The following NAAA variants were observed in gnomAD, a reference collection of about 807,000 sequenced individuals.
NAAA encodes N-acylethanolamine-hydrolyzing acid amidase.
A neutral mutation model predicts 44.8 loss-of-function variants in NAAA; 39 were observed. The observed-to-expected ratio is 0.87, with a 90% CI of 0.67 to 1.14. The LOEUF is 1.14. NAAA is among the 50% of genes most tolerant of loss of function. NAAA has a pLI of 0.00. For synonymous variants in NAAA, 178 were observed against 191.3 expected (o/e 0.93, Z 0.58); for missense variants, 460 against 467.8 (o/e 0.98, Z 0.15).
downstream of NAAA, among the ~76,000 whole-genome samples, chr4:75,911,703 T>C (rs2135232): frequency 0.27 from 41,586 of 152,022 alleles, 6,552 homozygotes; most frequent in East Asian, 0.48. Context: ...GGTGCTATAG[T>C]AGTGATGTTC....
At position 75,940,749 on chromosome 4, in the gene NAAA, G is replaced by T; in HGVS notation, c.201C>A (p.Val67=). Residue 67 remains valine, a synonymous_variant, in exon 1 of 11, where the codon GTC becomes GTA. Transcript: ENST00000286733. ...CGTCCAGGGCCCCAGCTCACCCGAT[G>T]ACTTGCGCCATCGCGGCGCGCACCA... ...LDLVRAAMAQ[V]IGDRVPKWVH... is the part of the protein sequence containing the mutation. The T allele has an allele frequency of 6.3e-7, 1 of 1,596,276 alleles. No individual in the cohort carries two copies. The highest frequency in any genetic ancestry group is 8.5e-7 in the Non-Finnish European group (1 of 1,178,048).
downstream of NAAA, chr4:75,911,447 C>T (rs1725319793): frequency 6.4e-6 from 3 of 465,230 alleles, no homozygotes; most frequent in Non-Finnish European, 1.3e-5. Flanking sequence ...TGTTATTACT[C>T]AAATCAGTCT....
At chr4:75,927,639 C>G (rs1446523156) in intron 4 of NAAA, among the ~76,000 whole-genome samples, 9 of 117,070 alleles carry the variant, frequency 7.7e-5, no homozygotes, top group African/African-American at 2.3e-4. Context: ...TAATGCCCCC[C>G]CCCCCCCCGC....
chr4:75,939,753 G>A, intron 2 of NAAA: 1 of 500,144 alleles, frequency 2.0e-6, no homozygotes, highest in Non-Finnish European at 3.6e-6. Flanking sequence ...CTGGATTGGG[G>A]AAGAGAAAAC....
intron 4 of NAAA, among the ~76,000 whole-genome samples, chr4:75,929,901 C>T (rs1727077633): frequency 6.6e-6 from 1 of 152,046 alleles, no homozygotes; most frequent in Admixed American, 6.6e-5. Context: ...ACCAGCCTGG[C>T]CAACATGGTG....
At chr4:75,929,288 C>G (rs1436775544) in intron 4 of NAAA, among the ~76,000 whole-genome samples, 1 of 152,126 alleles carries the variant, frequency 6.6e-6, no homozygotes, top group African/African-American at 2.4e-5. Flanking sequence ...TTATCCTTTC[C>G]TAGGGTGGCT....
At chr4:75,918,699 A>G (rs1725858105) in intron 9 of NAAA, 62 bp downstream of exon 9, 2 of 1,559,604 alleles carry the variant, frequency 1.3e-6, no homozygotes, top group Non-Finnish European at 8.8e-7. Context: ...GCCAAACAGT[A>G]CGTGAGTGAG....
At chr4:75,911,981 AG>A (rs758929262), downstream of NAAA, among the ~76,000 whole-genome samples, 3 of 152,342 alleles carry the variant, frequency 2.0e-5, no homozygotes, top group Non-Finnish European at 4.4e-5. Context: ...GTCTGTGCCC[AG>A]GAACGAGCAA....
chr4:75,937,428 TAAATA>T (rs767757667), intron 2 of NAAA, among the ~76,000 whole-genome samples: 5 of 152,294 alleles, frequency 3.3e-5, no homozygotes, highest in East Asian at 3.9e-4. Flanking sequence ...CAAACATAAA[TAAATA>T]AAATAAAATA....
intron 8 of NAAA, chr4:75,919,422 G>A: frequency 6.4e-6 from 1 of 155,628 alleles, no homozygotes; most frequent in East Asian, 1.9e-4. Context: ...TTAATATAAA[G>A]AAAAACTTTG....
intron 7 of NAAA, 145 bp from the exon 8 acceptor site, chr4:75,920,120 G>A (rs1726011974): frequency 2.6e-6 from 2 of 776,818 alleles, no homozygotes; most frequent in Non-Finnish European, 2.2e-6. Flanking sequence ...CCTGTTTCCT[G>A]CTGAGGCCCA....
At chr4:75,921,216 T>C in intron 5 of NAAA, 93 bp from the exon 6 acceptor site, 2 of 1,174,716 alleles carry the variant, frequency 1.7e-6, no homozygotes, top group Non-Finnish European at 2.4e-6. Context: ...ATTCTCCTGA[T>C]ATGTTATGTC....
chr4:75,925,102 C>G (rs1168825203), intron 5 of NAAA, among the ~76,000 whole-genome samples: 3 of 152,168 alleles, frequency 2.0e-5, no homozygotes, highest in African/African-American at 7.2e-5. Flanking sequence ...CACCATTCTC[C>G]TACCTCAGCC....
chr4:75,931,434 T>G, intron 3 of NAAA, 130 bp from the exon 4 acceptor site: 1 of 600,310 alleles, frequency 1.7e-6, no homozygotes, highest in Non-Finnish European at 2.9e-6. Context: ...AACTCTGAAA[T>G]AGTCTTCTAA....
chr4:75,934,613 C>T (rs986895044), intron 3 of NAAA, among the ~76,000 whole-genome samples: 3 of 152,016 alleles, frequency 2.0e-5, no homozygotes, highest in Non-Finnish European at 4.4e-5. Flanking sequence ...AGGCGTGAGC[C>T]ACCGCGCCCA....
chr4:75,913,252 A>G (rs1408670600), downstream of NAAA, among the ~76,000 whole-genome samples: 1 of 151,690 alleles, frequency 6.6e-6, no homozygotes, highest in African/African-American at 2.4e-5. Flanking sequence ...GAATGTAACC[A>G]TTTGCCTCAC....
intron 3 of NAAA, chr4:75,935,810 G>T (rs919677525): frequency 1.2e-4 from 55 of 442,026 alleles, no homozygotes; most frequent in African/African-American, 1.1e-3. Flanking sequence ...CTGGGCATGG[G>T]AAAGCAGAGG....
intron 5 of NAAA, among the ~76,000 whole-genome samples, chr4:75,923,815 G>A (rs1157737230): frequency 1.3e-5 from 2 of 152,116 alleles, no homozygotes; most frequent in East Asian, 3.8e-4. Flanking sequence ...TGGGATTACA[G>A]GTGTGAGCCA....
At chr4:75,913,643 G>C, downstream of NAAA, 2 of 971,578 alleles carry the variant, frequency 2.1e-6, no homozygotes, top group South Asian at 4.8e-5. Flanking sequence ...AGAAAGCAGG[G>C]AGAGCATAAC....
Sources: gnomAD v4.1 joint callset for allele counts (sites outside exome capture counted in the v4.1 genomes callset) on GRCh38, gnomAD v4.1.1 for gene constraint, MANE v1.5 for transcripts, NCBI Gene and HGNC (gene_info 2026-07-23, HGNC 2026-07-21) for gene names.